Variants in XPOT observed in about 807,000 individuals in gnomAD.
XPOT encodes exportin for tRNA, also known as exportin-T.
A neutral mutation model predicts 128.2 loss-of-function variants in XPOT; 34 were observed. The ratio of observed to expected loss-of-function variants is 0.27; its 90% CI spans 0.20 to 0.35. The LOEUF is 0.35. Ranked by LOEUF, XPOT falls within the 10% of genes least tolerant of loss-of-function variation. XPOT has a pLI of 1.00. For missense variants in XPOT, 838 were observed against 1,125.3 expected (o/e 0.74, Z 3.65); for synonymous variants, 348 against 394.3 (o/e 0.88, Z 1.39).
Position 64,431,427 on chromosome 12 carries a change from T to C in XPOT, c.1977-111T>C, listed in dbSNP as rs2040237675. 3 of 1,069,092 alleles carry C rather than the reference T, an allele frequency of 2.8e-6. No individual in the cohort carries two copies. In the South Asian group the frequency reaches 4.7e-5, roughly 17 times the overall value. 66.2% of individuals were successfully genotyped at this position (1,069,092 alleles called of 1,614,324 possible). A position where few individuals can be genotyped will look rare whatever the true frequency, so the allele number is the denominator to read the frequency against. On this transcript the variant is annotated intron_variant, in intron 17 of 24. Coordinates refer to ENST00000332707, the MANE Select transcript of XPOT (RefSeq NM_007235.6). The stretch of plus-strand genomic sequence containing the variant: ...AATTGTGATGTGGAAAATAAAGGTC[T>C]GGTTATTTAGTTTTGTTAATTTTGT...
chr12:64,445,926 G>A (rs61933189), intron 24 of XPOT, among the ~76,000 whole-genome samples: 46,411 of 152,116 alleles, frequency 0.31, 7,614 homozygotes, highest in Middle Eastern at 0.48. Context: ...TTGTAAGTCA[G>A]AGGGCTTTGC....
intron 23 of XPOT, among the ~76,000 whole-genome samples, chr12:64,443,646 G>A (rs976721780): frequency 6.6e-5 from 10 of 152,090 alleles, no homozygotes; most frequent in African/African-American, 2.4e-4. Flanking sequence ...GCAGAGATGG[G>A]GTTCCACCAT....
chr12:64,409,571 T>C (rs2040017018), intron 1 of XPOT: 1 of 154,844 alleles, frequency 6.5e-6, no homozygotes, highest in African/African-American at 2.4e-5. Context: ...CTGACTCTAC[T>C]AAAAATACAA....
chr12:64,415,084 AC>A, intron 3 of XPOT, 95 bp downstream of exon 3: 1 of 816,236 alleles, frequency 1.2e-6, no homozygotes, highest in Non-Finnish European at 2.0e-6. Context: ...TTTCATAAAA[AC>A]ATTTTATGAC....
At chr12:64,443,862 CTT>C (rs1164213608) in intron 23 of XPOT, among the ~76,000 whole-genome samples, 1 of 152,142 alleles carries the variant, frequency 6.6e-6, no homozygotes. Context: ...TTTGTGATCT[CTT>C]ATTTCACAGT....
intron 23 of XPOT, among the ~76,000 whole-genome samples, chr12:64,441,342 A>G (rs2040322908): frequency 6.6e-6 from 1 of 152,216 alleles, no homozygotes; most frequent in Admixed American, 6.5e-5. Flanking sequence ...TGGCACCATC[A>G]TAGTTCACAG....
At chr12:64,437,050 A>G (rs1450518140) in intron 22 of XPOT, among the ~76,000 whole-genome samples, 3 of 152,192 alleles carry the variant, frequency 2.0e-5, no homozygotes, top group Admixed American at 1.3e-4. Context: ...CACCCCCTAA[A>G]AAGAACATGA....
rs1287939153 is a variant in XPOT, at chr12:64,419,036, G to A, written c.431G>A (p.Arg144Gln). 8.1e-6 allele frequency: 13 copies of A among 1,613,984 alleles called. No homozygotes were observed. The highest frequency in any genetic ancestry group is 2.2e-5 in the South Asian group (2 of 91,072). ...CCAAGGGGAGTAGATCTCTACCTGC[G>A]AATCCTCATGGCTATTGATTCAGAG... ...LNPRGVDLYLRILMAIDSELV... is the reference protein window; with the variant it reads ...LNPRGVDLYLQILMAIDSELV... Residue 144 changes from arginine (R) to glutamine (Q), a missense_variant, in exon 6 of 25, where the codon CGA (arginine) becomes CAA (glutamine). Physicochemically the swap from Arg to Gln is conservative, Grantham distance 43. Transcript: ENST00000332707.
chr12:64,433,732 A>G (rs993327996), intron 19 of XPOT, 129 bp downstream of exon 19: 11 of 847,132 alleles, frequency 1.3e-5, no homozygotes, highest in Admixed American at 3.7e-5. Context: ...AAGACAGTTT[A>G]TTGTTTTCAG....
In XPOT at chr12:64,436,070, C is replaced by A. The variant is rs2040279737; in HGVS notation, c.2733+396C>A. On this transcript the variant is annotated intron_variant, in intron 22 of 24. Coordinates refer to ENST00000332707, the MANE Select transcript of XPOT (RefSeq NM_007235.6). ...CTCCCAGATTCAAGCAATTCTCCTG[C>A]CTCAGCCTCCTGAGTAGCTGGAATT... 2.0e-5 allele frequency among the ~76,000 whole-genome samples: 3 copies of A among 152,048 alleles called. No homozygotes were observed. In the South Asian group the frequency reaches 6.2e-4, roughly 32 times the overall value.
intron 1 of XPOT, among the ~76,000 whole-genome samples, chr12:64,409,272 T>G (rs765175687): frequency 1.8e-4 from 27 of 152,210 alleles, no homozygotes; most frequent in African/African-American, 1.7e-4. Context: ...CATTTGTCAT[T>G]TTTATACTTA....
At position 64,450,479 on chromosome 12, in the gene XPOT, T is replaced by G. The variant is rs2040402628; in HGVS notation, c.*2348T>G. 6.6e-6 allele frequency: 1 copy of G among 152,172 alleles called. No individual in the cohort carries two copies. 9.4% of individuals were successfully genotyped at this position (152,172 alleles called of 1,614,324 possible). On this transcript the variant is annotated 3_prime_UTR_variant, in exon 25 of 25. Transcript: ENST00000332707. The stretch of plus-strand genomic sequence containing the variant: ...TATCAATTCCATATATGGAAAGGTG[T>G]TTTCCCTTTCAGAGCTCTTTAAAGC...
intron 18 of XPOT, among the ~76,000 whole-genome samples, chr12:64,432,211 G>A (rs2040245172): frequency 6.6e-6 from 1 of 152,052 alleles, no homozygotes; most frequent in African/African-American, 2.4e-5. Context: ...GCTAATAAAA[G>A]TGGTTAATAC....
intron 23 of XPOT, among the ~76,000 whole-genome samples, chr12:64,440,734 C>T (rs79763708): frequency 0.011 from 1,643 of 152,166 alleles, 33 homozygotes; most frequent in African/African-American, 0.037. Flanking sequence ...TTTTCATACA[C>T]CTGTTAACCA....
In XPOT at chr12:64,411,697, C is replaced by T. The variant is rs546918413; in HGVS notation, c.60+1602C>T. Among the ~76,000 whole-genome samples the T allele has an allele frequency of 1.3e-4, 20 of 152,144 alleles. No individual in the cohort carries two copies. The South Asian group carries it at 2.3e-3, about 17-fold the overall frequency. On this transcript the variant is annotated intron_variant, in intron 2 of 24. Transcript: ENST00000332707. ...TTCTGAAAGCCCTTTTGTTGCAGTT[C>T]GGGAGTAGTGGAAACTTAATTCAGT...
At position 64,404,566 on chromosome 12, in the gene XPOT, TTGCCTGCC is replaced by T; in HGVS notation, c.-300_-293del. 6.5e-6 allele frequency: 1 copy of T among 153,938 alleles called. No individual in the cohort carries two copies. Among genetic ancestry groups the T allele is most frequent in the Non-Finnish European group, 1.5e-5 (1 of 68,806 alleles). 9.5% of individuals were successfully genotyped at this position (153,938 alleles called of 1,614,324 possible). A position where few individuals can be genotyped will look rare whatever the true frequency, so the allele number is the denominator to read the frequency against. Reference sequence around the variant, plus strand: ...CCCGCCCGCTTGCTTGCTTGCTTGCTTGCCTGCCTGCCTGCCTGCCCGGCGCCACGCAA... The same window carrying T: ...CCCGCCCGCTTGCTTGCTTGCTTGCTTGCCTGCCTGCCCGGCGCCACGCAA... On this transcript the variant is annotated 5_prime_UTR_variant, in exon 1 of 25. Transcript: ENST00000332707.
Position 64,412,478 on chromosome 12 carries a change from C to T in XPOT, c.60+2383C>T, listed in dbSNP as rs144544554. Reference sequence around the variant, plus strand: ...GTGGTAATGCAACATACATGATTAACTTCTACCTTGTCCTCTGGCCTCTGA... The same window carrying T: ...GTGGTAATGCAACATACATGATTAATTTCTACCTTGTCCTCTGGCCTCTGA... On this transcript the variant is annotated intron_variant, in intron 2 of 24. Coordinates refer to ENST00000332707, the MANE Select transcript of XPOT (RefSeq NM_007235.6). Among the ~76,000 whole-genome samples, 565 of 152,326 alleles carry T rather than the reference C, an allele frequency of 3.7e-3. 1 individual carries two copies. Among genetic ancestry groups the T allele is most frequent in the Non-Finnish European group, 5.1e-3 (347 of 68,024 alleles).
intron 9 of XPOT, among the ~76,000 whole-genome samples, chr12:64,421,959 T>C (rs1254843051): frequency 6.6e-6 from 1 of 152,142 alleles, no homozygotes; most frequent in Non-Finnish European, 1.5e-5. Flanking sequence ...ATTACAGGCA[T>C]GCACCACCAC....
chr12:64,410,085 T>C lies in XPOT; in HGVS notation c.50T>C (p.Phe17Ser). ...CTAAATCCAAATGCTGATTCAGACT[T>C]TAGACAAAGGGTAAGTTACTCTGCT... The part of the protein sequence containing the change: ...LGLNPNADSD[F>S]RQRALAYFEQ... The change falls in exon 2 of 25, where the codon TTT (phenylalanine) becomes TCT (serine). Residue 17 changes from phenylalanine (F) to serine (S), a missense_variant. Physicochemically the swap from Phe to Ser is radical, Grantham distance 155 (BLOSUM62 -2). Around this residue, in one of 3 missense-constraint regions of XPOT, gnomAD observed 761 missense variants for 988.3 expected, o/e 0.77. Transcript: ENST00000332707. The C allele has an allele frequency of 6.2e-7, 1 of 1,613,786 alleles. No individual in the cohort carries two copies. The highest frequency in any genetic ancestry group is 1.1e-5 in the South Asian group (1 of 91,086).
Sources: allele counts gnomAD v4.1 joint callset (sites outside exome capture counted in the v4.1 genomes callset), GRCh38; gene constraint gnomAD v4.1.1; regional missense constraint gnomAD v4.1.1; transcripts MANE v1.5; gene names NCBI Gene and HGNC (gene_info 2026-07-23, HGNC 2026-07-21).